Variants in SLC22A2 observed in about 807,000 individuals in gnomAD.
The protein encoded by SLC22A2 is solute carrier family 22 member 2.
In SLC22A2, 46 loss-of-function variants were observed where a neutral mutation model predicts 60.5. The ratio of observed to expected loss-of-function variants is 0.76; its 90% CI spans 0.60 to 0.97. The LOEUF (loss-of-function observed/expected upper bound fraction) is 0.97. Among genes scored for constraint, SLC22A2 ranks in the 50% least tolerant of loss-of-function variants. SLC22A2 has a pLI of 0.00. For missense variants in SLC22A2, 701 were observed against 706.6 expected (o/e 0.99, Z 0.09); for synonymous variants, 303 against 267.0 (o/e 1.13, Z -1.31).
chr6:160,238,824 C>G (rs968412141), intron 9 of SLC22A2, among the ~76,000 whole-genome samples: 1 of 152,076 alleles, frequency 6.6e-6, no homozygotes, highest in Non-Finnish European at 1.5e-5. Context: ...AGGTGTCAGG[C>G]AGGAACAAGG....
In SLC22A2 at chr6:160,236,596, G is replaced by A. The variant is rs560804430; in HGVS notation, c.1501+4878C>T. On this transcript the variant is annotated intron_variant, in intron 9 of 10. Coordinates refer to ENST00000366953, the MANE Select transcript of SLC22A2 (RefSeq NM_003058.4). Reference sequence around the variant, plus strand: ...GCAACAGGACACAGTTGGAGAAACTGGTTATTTTTACCAAGGCTTTGACTG... The same window carrying A: ...GCAACAGGACACAGTTGGAGAAACTAGTTATTTTTACCAAGGCTTTGACTG... Among the ~76,000 whole-genome samples the A allele has an allele frequency of 2.9e-4, 44 of 152,230 alleles. No homozygotes were observed. The South Asian group carries it at 8.5e-3, about 29-fold the overall frequency.
intron 7 of SLC22A2, among the ~76,000 whole-genome samples, chr6:160,243,086 TA>T (rs1243348113): frequency 6.6e-6 from 1 of 152,194 alleles, no homozygotes; most frequent in Admixed American, 6.5e-5. Flanking sequence ...TCCATATTGC[TA>T]AAAGGATTCT....
At chr6:160,226,805 T>A (rs2619270) in intron 9 of SLC22A2, among the ~76,000 whole-genome samples, 26 of 151,958 alleles carry the variant, frequency 1.7e-4, no homozygotes, top group Non-Finnish European at 2.1e-4. Context: ...ACTGAAAAAC[T>A]TCAAGGTTTT....
chr6:160,228,606 G>A (rs983197770), intron 9 of SLC22A2, among the ~76,000 whole-genome samples: 19 of 152,166 alleles, frequency 1.2e-4, no homozygotes, highest in African/African-American at 4.3e-4. Context: ...GTCTATGGGT[G>A]ACAGGATTAG....
At chr6:160,226,726 C>G (rs1021789575) in intron 9 of SLC22A2, among the ~76,000 whole-genome samples, 29 of 152,122 alleles carry the variant, frequency 1.9e-4, no homozygotes, top group African/African-American at 6.3e-4. Context: ...AGAAGTTTTT[C>G]TTTAACAATA....
In SLC22A2 at chr6:160,258,615, T is replaced by C. The variant is rs766924307; in HGVS notation, c.143A>G (p.Asp48Gly). ...VGIVFLGFTP[D>G]HRCRSPGVAE... ...CACTCCGGGGCTCCGGCAGCGGTGG[T>C]CAGGGGTGAAGCCCAGGAAGACGAT... The change falls in exon 1 of 11, where the codon GAC becomes GGC. Residue 48 changes from aspartate (D) to glycine (G), a missense_variant. Coordinates refer to ENST00000366953, the MANE Select transcript of SLC22A2 (RefSeq NM_003058.4). 6.2e-7 allele frequency: 1 copy of C among 1,613,844 alleles called. No individual in the cohort carries two copies. Among genetic ancestry groups the C allele is most frequent in the Non-Finnish European group, 8.5e-7 (1 of 1,179,952 alleles).
At chr6:160,250,825 C>T (rs1364443962) in intron 2 of SLC22A2, 123 bp from the exon 3 acceptor site, 7 of 945,740 alleles carry the variant, frequency 7.4e-6, no homozygotes, top group Non-Finnish European at 1.1e-5. Context: ...TTTATGAATC[C>T]AGGAGGCACA....
At chr6:160,229,003 GCTCACACAAAGC>G (rs1738655449) in intron 9 of SLC22A2, among the ~76,000 whole-genome samples, 1 of 151,858 alleles carries the variant, frequency 6.6e-6, no homozygotes, top group Non-Finnish European at 1.5e-5. Flanking sequence ...CAGCCTCGTT[GCTCACACAAAGC>G]CTGTTTGGTG....
chr6:160,246,412 C>G (rs1045140493), intron 5 of SLC22A2, among the ~76,000 whole-genome samples: 1 of 152,132 alleles, frequency 6.6e-6, no homozygotes, highest in Non-Finnish European at 1.5e-5. Context: ...GTAACGAACA[C>G]CTCTGTAACT....
Position 160,242,278 on chromosome 6 carries a change from A to G in SLC22A2, c.1388+16T>C. On this transcript the variant is annotated intron_variant, in intron 8 of 10. Transcript: ENST00000366953. Reference sequence around the variant, plus strand: ...TGTCTCACCCACCCTCGTCATTCTAAGGAAAATGCACTCACCTAATGAATG... The same window carrying G: ...TGTCTCACCCACCCTCGTCATTCTAGGGAAAATGCACTCACCTAATGAATG... 7.3e-7 allele frequency: 1 copy of G among 1,373,164 alleles called. No homozygotes were observed. Among genetic ancestry groups the G allele is most frequent in the Non-Finnish European group, 1.0e-6 (1 of 959,630 alleles). 85.1% of individuals were successfully genotyped at this position (1,373,164 alleles called of 1,614,324 possible). A position where few individuals can be genotyped will look rare whatever the true frequency, so the allele number is the denominator to read the frequency against.
chr6:160,242,317 A>C lies in SLC22A2; in HGVS notation c.1365T>G (p.Ala455=), dbSNP rs774568566. The C allele has an allele frequency of 6.3e-7, 1 of 1,598,200 alleles. No individual in the cohort carries two copies. Among genetic ancestry groups the C allele is most frequent in the Non-Finnish European group, 8.6e-7 (1 of 1,165,414 alleles). ...ACCTAATGAATGTGGGGTACAGCTC[A>C]GCATTGACCAGGCAGACTATCTCAT... ...MAYEIVCLVN[A]ELYPTFIRNL... is the part of the protein sequence containing the mutation. The change falls in exon 8 of 11, where the codon GCT becomes GCG. Residue 455 remains alanine, a synonymous_variant. Transcript: ENST00000366953.
intron 9 of SLC22A2, among the ~76,000 whole-genome samples, chr6:160,226,929 A>G (rs1055448534): frequency 6.6e-6 from 1 of 152,134 alleles, no homozygotes; most frequent in African/African-American, 2.4e-5. Context: ...GTTAACATTA[A>G]AACATATCTT....
intron 9 of SLC22A2, among the ~76,000 whole-genome samples, chr6:160,225,285 A>T (rs1442573139): frequency 6.6e-6 from 1 of 152,234 alleles, no homozygotes; most frequent in African/African-American, 2.4e-5. Flanking sequence ...GGTGTTCATT[A>T]AATTCCCGTT....
intron 9 of SLC22A2, among the ~76,000 whole-genome samples, chr6:160,234,311 GGACACGAGT>G (rs1456129950): frequency 1.3e-5 from 2 of 152,130 alleles, no homozygotes; most frequent in African/African-American, 2.4e-5. Flanking sequence ...CTCTTCACAC[GGACACGAGT>G]GAAAGTTATT....
chr6:160,258,262 G>A, intron 1 of SLC22A2, 82 bp downstream of exon 1: 1 of 1,467,630 alleles, frequency 6.8e-7, no homozygotes. Context: ...GGGTTTATAA[G>A]AGCCGGGCCT....
intron 9 of SLC22A2, among the ~76,000 whole-genome samples, chr6:160,230,030 T>A (rs573927332): frequency 1.3e-5 from 2 of 151,894 alleles, no homozygotes; most frequent in Non-Finnish European, 2.9e-5. Flanking sequence ...AAATCTTGCT[T>A]CTTTCCCTCC....
At chr6:160,230,613 A>G (rs1782806384) in intron 9 of SLC22A2, among the ~76,000 whole-genome samples, 1 of 152,026 alleles carries the variant, frequency 6.6e-6, no homozygotes, top group Non-Finnish European at 1.5e-5. Context: ...AATAGAGTAG[A>G]GGCAGCCAAG....
At chr6:160,223,948 T>C (rs1782683746) in intron 10 of SLC22A2, among the ~76,000 whole-genome samples, 1 of 152,186 alleles carries the variant, frequency 6.6e-6, no homozygotes, top group African/African-American at 2.4e-5. Flanking sequence ...CCCAGGCTGA[T>C]CTCGATCTCC....
Position 160,249,154 on chromosome 6 carries a change from G to A in SLC22A2, c.842+62C>T. The A allele has an allele frequency of 5.0e-6, 6 of 1,188,886 alleles. No individual in the cohort carries two copies. In the South Asian group the frequency reaches 8.8e-5, roughly 17 times the overall value. 73.6% of individuals were successfully genotyped at this position (1,188,886 alleles called of 1,614,324 possible). A position where few individuals can be genotyped will look rare whatever the true frequency, so the allele number is the denominator to read the frequency against. On this transcript the variant is annotated intron_variant, in intron 4 of 10. Coordinates refer to ENST00000366953, the MANE Select transcript of SLC22A2 (RefSeq NM_003058.4). ...AGAAAGATAGTGTGCATTAAGGAAG[G>A]CAGACTTCTTAGCAGAATAAAATAC... is the stretch of plus-strand genomic sequence containing the variant.
Sources: gnomAD v4.1 joint callset for allele counts (sites outside exome capture counted in the v4.1 genomes callset) on GRCh38, gnomAD v4.1.1 for gene constraint, MANE v1.5 for transcripts, NCBI Gene and HGNC (gene_info 2026-07-23, HGNC 2026-07-21) for gene names.